Variants in FOLH1 observed in about 807,000 individuals in gnomAD.
FOLH1 encodes the protein folate hydrolase 1, also known as glutamate carboxypeptidase 2.
A neutral mutation model predicts 93.9 loss-of-function variants in FOLH1; 54 were observed. The observed-to-expected ratio is 0.57, with a 90% CI of 0.46 to 0.72. The LOEUF is 0.72. Among genes scored for constraint, FOLH1 ranks in the 30% least tolerant of loss-of-function variants. The pLI is 0.00. For missense variants in FOLH1, 571 were observed against 892.5 expected, an observed-to-expected ratio of 0.64 and a Z score of 4.59; for synonymous variants, 249 against 303.6, an observed-to-expected ratio of 0.82 and a Z score of 1.87.
Position 49,164,690 on chromosome 11 carries a change from T to C in FOLH1, c.1440+15A>G. 6.4e-7 allele frequency: 1 copy of C among 1,555,928 alleles called. No homozygotes were observed. Among genetic ancestry groups the C allele is most frequent in the Non-Finnish European group, 8.8e-7 (1 of 1,137,676 alleles). On this transcript the variant is annotated intron_variant, in intron 13 of 18. Coordinates refer to ENST00000256999, the MANE Select transcript of FOLH1 (RefSeq NM_004476.3). ...GTAGAATTTGGGTTTTCTTAAATTA[T>C]ATGTAATTATATACCTCTTTTGTTA...
intron 11 of FOLH1, 117 bp downstream of exon 11, chr11:49,171,078 G>T: frequency 1.7e-6 from 2 of 1,198,676 alleles, no homozygotes; most frequent in Non-Finnish European, 1.1e-6. Context: ...CAGATTTTGG[G>T]GAAAAAACTT....
At chr11:49,174,801 G>A (rs1195492150) in intron 9 of FOLH1, 91 bp downstream of exon 9, 12 of 1,069,534 alleles carry the variant, frequency 1.1e-5, no homozygotes, top group African/African-American at 1.6e-5. Context: ...TTGTTTGTTT[G>A]TTTTGATTCA....
intron 14 of FOLH1, 79 bp from the exon 15 acceptor site, chr11:49,156,886 C>T (rs1422990278): frequency 6.3e-7 from 1 of 1,585,648 alleles, no homozygotes; most frequent in Non-Finnish European, 8.6e-7. Flanking sequence ...TAAACTAAAC[C>T]CCATTCTTAC....
At chr11:49,204,741 C>T (rs1361943386) in intron 2 of FOLH1, among the ~76,000 whole-genome samples, 1 of 152,078 alleles carries the variant, frequency 6.6e-6, no homozygotes, top group Non-Finnish European at 1.5e-5. Context: ...TATATGTGTG[C>T]ACATCTATGC....
chr11:49,197,168 T>C (rs1266138406), intron 3 of FOLH1, among the ~76,000 whole-genome samples: 3 of 152,234 alleles, frequency 2.0e-5, no homozygotes, highest in Non-Finnish European at 2.9e-5. Flanking sequence ...AAAGTCATTA[T>C]ATAAGCATGT....
intron 9 of FOLH1, 101 bp from the exon 10 acceptor site, chr11:49,173,577 G>C (rs67031328): frequency 7.7e-6 from 5 of 650,598 alleles, no homozygotes; most frequent in East Asian, 6.5e-5. Flanking sequence ...TCACGCCTCA[G>C]AAAAAAAAAA....
In FOLH1 at chr11:49,208,107, C is replaced by T. The variant is rs1444608954; in HGVS notation, c.118+185G>A. The T allele has an allele frequency of 4.8e-6, 3 of 620,956 alleles. No individual in the cohort carries two copies. The African/African-American group carries it at 5.6e-5, about 11-fold the overall frequency. The allele number at this position is 620,956 out of a possible 1,614,324, so 38.5% of individuals were successfully genotyped here. ...ACCAGCAGCTTGTCGAGAACTCAGC[C>T]CTGCACCGTTCCCAGCTACCCTCCT... On this transcript the variant is annotated intron_variant, in intron 1 of 18. Transcript: ENST00000256999.
At chr11:49,166,532 T>C (rs1858433930) in intron 12 of FOLH1, among the ~76,000 whole-genome samples, 1 of 152,216 alleles carries the variant, frequency 6.6e-6, no homozygotes, top group Non-Finnish European at 1.5e-5. Context: ...GAAGCTAAAT[T>C]CTATATATTA....
chr11:49,182,437 A>G (rs1228539938), intron 7 of FOLH1, among the ~76,000 whole-genome samples: 1 of 151,908 alleles, frequency 6.6e-6, no homozygotes, highest in Non-Finnish European at 1.5e-5. Flanking sequence ...GAAAGTTTCA[A>G]TAATGAAAGC....
intron 18 of FOLH1, among the ~76,000 whole-genome samples, chr11:49,148,187 CA>C (rs1856000091): frequency 6.6e-6 from 1 of 151,262 alleles, no homozygotes; most frequent in Admixed American, 6.6e-5. Context: ...ATCTAAATAT[CA>C]ACATTAGGGA....
chr11:49,208,538 G>A lies in FOLH1; in HGVS notation c.-129C>T, dbSNP rs1236350371. On this transcript the variant is annotated 5_prime_UTR_variant, in exon 1 of 19. Transcript: ENST00000256999. ...TAATGCCTCGCTTATCAGCCCTGCA[G>A]GCTGGAATTCGCTCCAGACCTGGGG... 14 of 622,736 alleles carry A rather than the reference G, an allele frequency of 2.2e-5. No homozygotes were observed. The highest frequency in any genetic ancestry group is 2.2e-4 in the Admixed American group (7 of 31,538). The allele number at this position is 622,736 out of a possible 1,614,324, so 38.6% of individuals were successfully genotyped here.
rs374477476 is a variant in FOLH1, at chr11:49,147,033, A to G, written c.2064-88T>C. 3.1e-5 allele frequency: 44 copies of G among 1,425,438 alleles called. No homozygotes were observed. The East Asian group carries it at 8.1e-4, about 26-fold the overall frequency. The allele number at this position is 1,425,438 out of a possible 1,614,324, so 88.3% of individuals were successfully genotyped here. On this transcript the variant is annotated intron_variant, in intron 18 of 18. Transcript: ENST00000256999. The stretch of plus-strand genomic sequence containing the variant: ...GCACTCTGCAATTCCTGGATTGCAT[A>G]TTCCTATAACAATTTGAACAAGCCA...
intron 1 of FOLH1, 135 bp downstream of exon 1, chr11:49,208,157 A>C: frequency 3.0e-6 from 2 of 670,012 alleles, no homozygotes; most frequent in Non-Finnish European, 5.2e-6. Context: ...TGCTCACCCC[A>C]CATTACCCCG....
At position 49,154,355 on chromosome 11, in the gene FOLH1, T is replaced by C. The variant is rs767004193; in HGVS notation, c.1761A>G (p.Leu587=). The C allele has an allele frequency of 1.2e-6, 2 of 1,613,526 alleles. No homozygotes were observed. The highest frequency in any genetic ancestry group is 1.7e-6 in the Non-Finnish European group (2 of 1,179,686). The change falls in exon 16 of 19, where the codon CTA becomes CTG. Residue 587 remains leucine (L), a synonymous_variant. Transcript: ENST00000256999. ...AQVRGGMVFE[L]ANSIVLPFDC... ...CAAAAGGGAGCACTATGGAATTGGC[T>C]AGCTCAAACACCATCCCTCCTCGAA...
intron 17 of FOLH1, 101 bp from the exon 18 acceptor site, chr11:49,148,832 T>C (rs971200629): frequency 4.7e-6 from 5 of 1,059,070 alleles, no homozygotes; most frequent in Non-Finnish European, 6.4e-6. Context: ...TCTCCGGGGA[T>C]TGGTTTCAGG....
At chr11:49,178,609 T>TTTCTCTTTAGG (rs771640794) in intron 7 of FOLH1, among the ~76,000 whole-genome samples, 1 of 152,174 alleles carries the variant, frequency 6.6e-6, no homozygotes, top group African/African-American at 2.4e-5. Flanking sequence ...GTTACTGAAA[T>TTTCTCTTTAGG]TTCTCTTTAG....
At chr11:49,189,041 C>T (rs1218315946) in intron 4 of FOLH1, among the ~76,000 whole-genome samples, 2 of 151,652 alleles carry the variant, frequency 1.3e-5, no homozygotes, top group Admixed American at 1.3e-4. Flanking sequence ...TTTTTGAAGC[C>T]CCAGAGATTT....
At chr11:49,173,239 A>T in intron 10 of FOLH1, 118 bp downstream of exon 10, 1 of 1,094,624 alleles carries the variant, frequency 9.1e-7, no homozygotes, top group East Asian at 2.7e-5. Context: ...TGAAAATTGT[A>T]TTAGTATTTT....
At chr11:49,173,028 G>A (rs532790523) in intron 10 of FOLH1, among the ~76,000 whole-genome samples, 404 of 152,294 alleles carry the variant, frequency 2.7e-3, no homozygotes, top group Non-Finnish European at 4.7e-3. Context: ...TCTCTGACTA[G>A]GAAGCTTTGG....
Sources: gnomAD v4.1 joint callset for allele counts (sites outside exome capture counted in the v4.1 genomes callset) on GRCh38, gnomAD v4.1.1 for gene constraint, MANE v1.5 for transcripts, NCBI Gene and HGNC (gene_info 2026-07-23, HGNC 2026-07-21) for gene names.